The following CNTNAP2 variants were observed in gnomAD, a reference collection of about 807,000 sequenced individuals.
CNTNAP2 encodes the protein contactin associated protein 2, also known as contactin-associated protein-like 2.
A neutral mutation model predicts 155.2 loss-of-function variants in CNTNAP2; 98 were observed. The ratio of observed to expected loss-of-function variants is 0.63; its 90% confidence interval spans 0.54 to 0.75. The LOEUF (loss-of-function observed/expected upper bound fraction) is 0.75, where lower values mean the gene tolerates loss of function less well. CNTNAP2 is among the 30% of genes least tolerant of loss of function. The pLI is 0.00. For synonymous variants in CNTNAP2, 651 were observed against 631.2 expected (o/e 1.03, Z -0.47); for missense variants, 1,727 against 1,688.1 (o/e 1.02, Z -0.40).
At chr7:147,922,606 G>T (rs1800303340) in intron 14 of CNTNAP2, among the ~76,000 whole-genome samples, 1 of 152,082 alleles carries the variant, frequency 6.6e-6, no homozygotes, top group African/African-American at 2.4e-5. Flanking sequence ...CTTGCCATTG[G>T]TGCCCTGAAG....
chr7:147,418,874 G>A (rs546747952), intron 10 of CNTNAP2, among the ~76,000 whole-genome samples: 3 of 152,110 alleles, frequency 2.0e-5, no homozygotes, highest in Non-Finnish European at 2.9e-5. Context: ...TTCAAGCCTC[G>A]AAGCACCAGC....
intron 1 of CNTNAP2, among the ~76,000 whole-genome samples, chr7:146,235,437 G>T (rs1799456787): frequency 6.6e-6 from 1 of 152,036 alleles, no homozygotes; most frequent in Non-Finnish European, 1.5e-5. Flanking sequence ...TCCAGGCCAA[G>T]TTCTTTATTT....
intron 18 of CNTNAP2, among the ~76,000 whole-genome samples, chr7:148,209,485 C>T (rs1795507326): frequency 6.6e-6 from 1 of 151,998 alleles, no homozygotes; most frequent in Admixed American, 6.6e-5. Context: ...AGATTGCCTG[C>T]CTCTGTGTTC....
chr7:148,178,954 G>T (rs557124410), intron 18 of CNTNAP2, among the ~76,000 whole-genome samples: 2 of 152,250 alleles, frequency 1.3e-5, no homozygotes, highest in African/African-American at 4.8e-5. Flanking sequence ...TGTCATTTCG[G>T]TACTTCAGGA....
chr7:147,116,768 T>G (rs1801000093), intron 5 of CNTNAP2, among the ~76,000 whole-genome samples: 1 of 151,718 alleles, frequency 6.6e-6, no homozygotes, highest in Non-Finnish European at 1.5e-5. Flanking sequence ...CAGGTGTGGT[T>G]GGAGGGCCCC....
intron 8 of CNTNAP2, among the ~76,000 whole-genome samples, chr7:147,173,868 A>G (rs1802282115): frequency 6.6e-6 from 1 of 152,198 alleles, no homozygotes; most frequent in Non-Finnish European, 1.5e-5. Context: ...TGACCGCTGT[A>G]AACTCTGTCA....
chr7:148,397,891 A>T (rs769487371), intron 22 of CNTNAP2, among the ~76,000 whole-genome samples: 3 of 152,200 alleles, frequency 2.0e-5, no homozygotes, highest in Non-Finnish European at 4.4e-5. Context: ...TTGTCTTGTG[A>T]GATCTCAGGT....
chr7:147,009,504 T>C (rs560315283), intron 3 of CNTNAP2, among the ~76,000 whole-genome samples: 90 of 152,332 alleles, frequency 5.9e-4, no homozygotes, highest in African/African-American at 2.1e-3. Context: ...GGAGTTGTGC[T>C]GAATTAATAA....
chr7:147,425,688 G>A (rs1269717225), intron 10 of CNTNAP2, among the ~76,000 whole-genome samples: 1 of 152,004 alleles, frequency 6.6e-6, no homozygotes, highest in Non-Finnish European at 1.5e-5. Context: ...TGCTTCTACT[G>A]AATCCTTCGT....
intron 9 of CNTNAP2, among the ~76,000 whole-genome samples, chr7:147,336,119 C>T (rs906288864): frequency 2.0e-5 from 3 of 152,050 alleles, no homozygotes; most frequent in Non-Finnish European, 4.4e-5. Context: ...TCTTATATGA[C>T]CTTCATTTGT....
intron 8 of CNTNAP2, among the ~76,000 whole-genome samples, chr7:147,206,147 A>T (rs1803019050): frequency 6.6e-6 from 1 of 151,978 alleles, no homozygotes; most frequent in South Asian, 2.1e-4. Context: ...AAACGTAAAA[A>T]CTTCTTCTCA....
intron 4 of CNTNAP2, among the ~76,000 whole-genome samples, chr7:147,089,869 A>G (rs763971575): frequency 2.0e-5 from 3 of 152,208 alleles, no homozygotes; most frequent in Non-Finnish European, 4.4e-5. Context: ...CTCTGCACCA[A>G]AGGTGTCTCA....
chr7:148,240,490 T>C lies in CNTNAP2; in HGVS notation c.3381+10711T>C, dbSNP rs114594135. Among the ~76,000 whole-genome samples, 1,057 of 152,256 alleles carry C rather than the reference T, an allele frequency of 6.9e-3. 16 individuals carry two copies. Among genetic ancestry groups the C allele is most frequent in the African/African-American group, 0.024 (991 of 41,550 alleles). ...ACGAGATTTCCCCTTGAGGACAATG[T>C]CAGTGTAAACAGAGACCCCACGGAT... On this transcript the variant is annotated intron_variant, in intron 20 of 23. Transcript: ENST00000361727.
chr7:147,807,803 C>CCTG (rs1798115410), intron 13 of CNTNAP2, among the ~76,000 whole-genome samples: 1 of 151,970 alleles, frequency 6.6e-6, no homozygotes, highest in African/African-American at 2.4e-5. Context: ...GTGATGTGAG[C>CCTG]GTCAGGACAG....
At chr7:147,970,541 T>C (rs1801315148) in intron 14 of CNTNAP2, among the ~76,000 whole-genome samples, 1 of 152,022 alleles carries the variant, frequency 6.6e-6, no homozygotes. Context: ...CTGGCCAACA[T>C]GGTGAAACCC....
intron 13 of CNTNAP2, among the ~76,000 whole-genome samples, chr7:147,862,143 G>T (rs949723619): frequency 6.6e-6 from 1 of 151,894 alleles, no homozygotes; most frequent in African/African-American, 2.4e-5. Context: ...TTTGAAAACC[G>T]ACCACATCCT....
At chr7:147,575,703 G>A (rs1021354125) in intron 12 of CNTNAP2, among the ~76,000 whole-genome samples, 2 of 151,786 alleles carry the variant, frequency 1.3e-5, no homozygotes, top group Non-Finnish European at 2.9e-5. Flanking sequence ...TTCAAAACAC[G>A]TATTTTAAAA....
intron 10 of CNTNAP2, among the ~76,000 whole-genome samples, chr7:147,408,244 G>A (rs1048504393): frequency 6.6e-6 from 1 of 152,186 alleles, no homozygotes; most frequent in Non-Finnish European, 1.5e-5. Context: ...ATGCACAAGG[G>A]ATCTTGTGCC....
chr7:147,003,534 C>T lies in CNTNAP2; in HGVS notation c.403-40373C>T, dbSNP rs190360283. Among the ~76,000 whole-genome samples, 266 of 151,544 alleles carry T rather than the reference C, an allele frequency of 1.8e-3. 1 individual carries two copies. The highest frequency in any genetic ancestry group is 6.1e-3 in the African/African-American group (251 of 41,360). On this transcript the variant is annotated intron_variant, in intron 3 of 23. Coordinates refer to ENST00000361727, the MANE Select transcript of CNTNAP2 (RefSeq NM_014141.6). ...AAATGGGGAATAGAGGAAATAACAA[C>T]GTAAGAGTTAAAATCTCAACTAAAA... is the stretch of plus-strand genomic sequence containing the variant.
Sources: allele counts gnomAD v4.1 joint callset (sites outside exome capture counted in the v4.1 genomes callset), GRCh38; gene constraint gnomAD v4.1.1; transcripts MANE v1.5; gene names NCBI Gene and HGNC (gene_info 2026-07-23, HGNC 2026-07-21).